Variants in GABRR1 observed in about 807,000 individuals in gnomAD.
The protein encoded by GABRR1 is gamma-aminobutyric acid type A receptor subunit rho1.
In GABRR1, 59 loss-of-function variants were observed where a neutral mutation model predicts 55.5. The observed-to-expected ratio is 1.06, with a 90% confidence interval of 0.86 to 1.32. The LOEUF (loss-of-function observed/expected upper bound fraction) is 1.32. Among genes scored for constraint, GABRR1 ranks in the 40% most tolerant of loss-of-function variants. GABRR1 has a pLI of 0.00. For synonymous variants in GABRR1, 213 were observed against 226.0 expected (o/e 0.94, Z 0.51); for missense variants, 602 against 619.1 (o/e 0.97, Z 0.29).
chr6:89,195,732 A>G (rs1772246807), intron 5 of GABRR1, among the ~76,000 whole-genome samples: 1 of 152,226 alleles, frequency 6.6e-6, no homozygotes, highest in Admixed American at 6.5e-5. Flanking sequence ...ACCACATTTT[A>G]TTATGTATAT....
chr6:89,217,501 A>G, upstream of GABRR1: 12 of 590,590 alleles, frequency 2.0e-5, no homozygotes, highest in South Asian at 2.7e-4. Flanking sequence ...CACTAAACCT[A>G]TAAATCCTCC....
intron 1 of GABRR1, among the ~76,000 whole-genome samples, chr6:89,230,546 C>T (rs1053495920): frequency 4.6e-5 from 7 of 152,216 alleles, no homozygotes; most frequent in African/African-American, 1.7e-4. Flanking sequence ...TGTGCCCCTG[C>T]CTGGGGGTGC....
intron 1 of GABRR1, among the ~76,000 whole-genome samples, chr6:89,209,160 A>T (rs1190070525): frequency 1.3e-5 from 2 of 151,936 alleles, no homozygotes; most frequent in African/African-American, 4.8e-5. Context: ...TTAAAAAAAA[A>T]TCTCAGCCTA....
chr6:89,180,177 G>A, intron 9 of GABRR1, 115 bp downstream of exon 9: 3 of 1,082,302 alleles, frequency 2.8e-6, no homozygotes, highest in South Asian at 1.8e-5. Flanking sequence ...TGTGAAGTAG[G>A]CACAGGAGAG....
chr6:89,185,444 T>C lies in GABRR1; in HGVS notation c.662A>G (p.Tyr221Cys). ...TCSLEIESYAYTEDDLMLYWK... is the reference protein window; with the variant it reads ...TCSLEIESYACTEDDLMLYWK... ...GTACAGCATGAGGTCATCTTCTGTATAGGCATCTGAAAAGACAGGGGCCAG... is the reference window on the plus strand; with the variant it reads ...GTACAGCATGAGGTCATCTTCTGTACAGGCATCTGAAAAGACAGGGGCCAG... The change falls in exon 7 of 10, where the codon TAT (tyrosine) becomes TGT (cysteine). Residue 221 changes from tyrosine to cysteine, a missense_variant. This residue lies in a region of GABRR1 where 435 missense variants were observed against 424.2 expected (regional missense o/e 1.03). Coordinates refer to ENST00000454853, the MANE Select transcript of GABRR1 (RefSeq NM_002042.5). The C allele has an allele frequency of 6.2e-7, 1 of 1,613,408 alleles. No homozygotes were observed.
chr6:89,192,696 G>A (rs1194697125), intron 5 of GABRR1, among the ~76,000 whole-genome samples: 2 of 151,888 alleles, frequency 1.3e-5, no homozygotes, highest in African/African-American at 4.8e-5. Flanking sequence ...GAGTAGCTGG[G>A]ACTACAGACA....
intron 7 of GABRR1, among the ~76,000 whole-genome samples, chr6:89,183,167 A>T (rs1771783535): frequency 6.6e-6 from 1 of 151,400 alleles, no homozygotes; most frequent in South Asian, 2.1e-4. Context: ...AGACAAAAAA[A>T]AAAAGGAAAA....
chr6:89,203,826 C>T (rs1027905067), intron 1 of GABRR1, among the ~76,000 whole-genome samples: 1 of 152,130 alleles, frequency 6.6e-6, no homozygotes, highest in East Asian at 1.9e-4. Flanking sequence ...ACCATAAAAC[C>T]CTCATTACGG....
chr6:89,186,412 A>G (rs558393001), intron 6 of GABRR1, among the ~76,000 whole-genome samples: 350 of 152,352 alleles, frequency 2.3e-3, no homozygotes, highest in South Asian at 3.7e-3. Context: ...GGCTTCCTGG[A>G]AGAAGAAATC....
rs1582377294 is a variant in GABRR1 at position 89,185,420 on chromosome 6, T to G, written c.686A>C (p.Tyr229Ser). ...YAYTEDDLML[Y>S]WKKGNDSLKT... is the part of the protein sequence containing the mutation. ...TAAGGAGTCATTGCCCTTTTTCCAGTACAGCATGAGGTCATCTTCTGTATA... is the reference window on the plus strand; with the variant it reads ...TAAGGAGTCATTGCCCTTTTTCCAGGACAGCATGAGGTCATCTTCTGTATA... Residue 229 changes from tyrosine to serine, a missense_variant, in exon 7 of 10, where the codon TAC becomes TCC. Physicochemically the swap from Tyr to Ser is moderately radical, Grantham distance 144. Around this residue, in one of 3 missense-constraint regions of GABRR1, gnomAD observed 435 missense variants for 424.2 expected, o/e 1.03. Transcript: ENST00000454853. 6.2e-7 allele frequency: 1 copy of G among 1,613,640 alleles called. No homozygotes were observed. The highest frequency in any genetic ancestry group is 2.2e-5 in the East Asian group (1 of 44,846).
chr6:89,203,357 G>T (rs1772538944), intron 2 of GABRR1, 78 bp downstream of exon 2: 3 of 1,261,680 alleles, frequency 2.4e-6, no homozygotes, highest in African/African-American at 2.9e-5. Flanking sequence ...TCGGGGAGGG[G>T]CCCTGCTGAA....
At position 89,178,677 on chromosome 6, in the gene GABRR1, T is replaced by C. The variant is rs1232236474; in HGVS notation, c.*93A>G. ...GAAAACATGGGTGGGTCCTGGGATT[T>C]TTTTTTAACCATATCCTTAAATACT... On this transcript the variant is annotated 3_prime_UTR_variant, in exon 10 of 10. Coordinates refer to ENST00000454853, the MANE Select transcript of GABRR1 (RefSeq NM_002042.5). 17 of 1,167,172 alleles carry C rather than the reference T, an allele frequency of 1.5e-5. No individual in the cohort carries two copies. Among genetic ancestry groups the C allele is most frequent in the Non-Finnish European group, 1.9e-5 (16 of 829,004 alleles). 72.3% of individuals were successfully genotyped at this position (1,167,172 alleles called of 1,614,324 possible). A position where few individuals can be genotyped will look rare whatever the true frequency, so the allele number is the denominator to read the frequency against.
Position 89,178,702 on chromosome 6 carries a change from T to C in GABRR1, c.*68A>G. 3 of 1,395,186 alleles carry C rather than the reference T, an allele frequency of 2.2e-6. No individual in the cohort carries two copies. In the East Asian group the frequency reaches 6.9e-5, roughly 32 times the overall value. 86.4% of individuals were successfully genotyped at this position (1,395,186 alleles called of 1,614,324 possible). A position where few individuals can be genotyped will look rare whatever the true frequency, so the allele number is the denominator to read the frequency against. ...TTTTTTTAACCATATCCTTAAATAC[T>C]TTTTCATTATACAGTTATTTCTGTA... On this transcript the variant is annotated 3_prime_UTR_variant, in exon 10 of 10. Coordinates refer to ENST00000454853, the MANE Select transcript of GABRR1 (RefSeq NM_002042.5).
intron 1 of GABRR1, among the ~76,000 whole-genome samples, chr6:89,209,475 C>T (rs1308444669): frequency 6.6e-6 from 1 of 152,114 alleles, no homozygotes; most frequent in Non-Finnish European, 1.5e-5. Context: ...AAAACAAAAA[C>T]AAAACAAACA....
chr6:89,191,955 C>A (rs991171678), intron 5 of GABRR1, among the ~76,000 whole-genome samples: 38 of 151,812 alleles, frequency 2.5e-4, no homozygotes, highest in Middle Eastern at 6.8e-3. Flanking sequence ...GGCAGGAGAA[C>A]TGCTTGAACC....
At chr6:89,179,467 G>A (rs1247655818) in intron 9 of GABRR1, among the ~76,000 whole-genome samples, 1 of 152,104 alleles carries the variant, frequency 6.6e-6, no homozygotes, top group Non-Finnish European at 1.5e-5. Flanking sequence ...TGATCCACCC[G>A]CCTCGGCCTC....
chr6:89,203,750 C>T (rs114338938), intron 1 of GABRR1, among the ~76,000 whole-genome samples: 200 of 152,316 alleles, frequency 1.3e-3, no homozygotes, highest in African/African-American at 4.7e-3. Flanking sequence ...CTGGTCTACC[C>T]GGGCGTGAAA....
chr6:89,219,839 A>G (rs1773086312), upstream of GABRR1, among the ~76,000 whole-genome samples: 1 of 152,242 alleles, frequency 6.6e-6, no homozygotes, highest in Admixed American at 6.5e-5. Flanking sequence ...TAATGAGTTA[A>G]ATAAAATCTT....
chr6:89,192,574 T>G (rs1361394129), intron 5 of GABRR1, among the ~76,000 whole-genome samples: 5 of 150,266 alleles, frequency 3.3e-5, no homozygotes, highest in African/African-American at 1.2e-4. Context: ...CTTTTTTTTT[T>G]TTTTTTTTGA....
Sources: allele counts gnomAD v4.1 joint callset (sites outside exome capture counted in the v4.1 genomes callset), GRCh38; gene constraint gnomAD v4.1.1; regional missense constraint gnomAD v4.1.1; transcripts MANE v1.5; gene names NCBI Gene and HGNC (gene_info 2026-07-23, HGNC 2026-07-21).